WWOX: variants seen among roughly 807,000 people sequenced by gnomAD.
WWOX encodes the protein WW domain containing oxidoreductase.
A neutral mutation model predicts 46.2 loss-of-function variants in WWOX; 69 were observed. That is an observed-to-expected ratio of 1.49 (90% CI 1.23 to 1.82). WWOX has a LOEUF of 1.82. WWOX is among the 40% of genes most tolerant of loss of function. WWOX has a pLI of 0.00. For missense variants in WWOX, 919 were observed against 542.6 expected (o/e 1.69, Z -6.89); for synonymous variants, 359 against 202.6 (o/e 1.77, Z -6.56).
At chr16:78,755,355 G>C (rs1264352357) in intron 8 of WWOX, among the ~76,000 whole-genome samples, 2 of 152,160 alleles carry the variant, frequency 1.3e-5, no homozygotes, top group Non-Finnish European at 2.9e-5. Context: ...AAATGCAGTG[G>C]GTAGCCCAGG....
At chr16:78,823,624 G>T (rs1019053771) in intron 8 of WWOX, among the ~76,000 whole-genome samples, 1 of 152,128 alleles carries the variant, frequency 6.6e-6, no homozygotes, top group Non-Finnish European at 1.5e-5. Flanking sequence ...AACAGACCCA[G>T]TCACTGGTGT....
At chr16:78,356,121 AG>A (rs1567520680) in intron 5 of WWOX, among the ~76,000 whole-genome samples, 3 of 138,920 alleles carry the variant, frequency 2.2e-5, no homozygotes, top group Non-Finnish European at 4.6e-5. Flanking sequence ...CGGGAGGTGG[AG>A]GTTGCAGTGA....
chr16:78,455,278 C>T (rs1222082518), intron 8 of WWOX, among the ~76,000 whole-genome samples: 5 of 149,872 alleles, frequency 3.3e-5, no homozygotes, highest in Non-Finnish European at 7.4e-5. Context: ...GGGACAAGGA[C>T]GATGGACAAA....
intron 5 of WWOX, among the ~76,000 whole-genome samples, chr16:78,224,592 C>G (rs2036991130): frequency 6.6e-6 from 1 of 152,054 alleles, no homozygotes; most frequent in African/African-American, 2.4e-5. Flanking sequence ...ACAGGTTATT[C>G]ACAGCTTTTC....
At chr16:78,836,438 A>T (rs1486025811) in intron 8 of WWOX, among the ~76,000 whole-genome samples, 1 of 152,158 alleles carries the variant, frequency 6.6e-6, no homozygotes, top group East Asian at 1.9e-4. Flanking sequence ...GCAAGGACAT[A>T]CTACTGTGGA....
chr16:79,076,280 A>T (rs543213598), intron 8 of WWOX, among the ~76,000 whole-genome samples: 1 of 152,332 alleles, frequency 6.6e-6, no homozygotes, highest in Non-Finnish European at 1.5e-5. Context: ...TAAGTAAAAG[A>T]ATCACTTTTT....
intron 8 of WWOX, among the ~76,000 whole-genome samples, chr16:78,580,075 AT>A (rs397753314): frequency 0.029 from 4,154 of 143,592 alleles, 75 homozygotes; most frequent in East Asian, 0.056. Context: ...GACAGAGGAA[AT>A]TTTTTTTTTT....
chr16:78,811,620 C>G (rs1055948209), intron 8 of WWOX, among the ~76,000 whole-genome samples: 2 of 152,066 alleles, frequency 1.3e-5, no homozygotes, highest in Non-Finnish European at 2.9e-5. Context: ...ATCCACCTGC[C>G]TCAGTCTCCC....
chr16:79,015,735 A>C (rs2047399945), intron 8 of WWOX, among the ~76,000 whole-genome samples: 1 of 152,080 alleles, frequency 6.6e-6, no homozygotes. Context: ...TCTGATCCTG[A>C]TTTATTTTTA....
intron 8 of WWOX, among the ~76,000 whole-genome samples, chr16:78,731,970 C>A (rs533200594): frequency 6.6e-6 from 1 of 151,452 alleles, no homozygotes; most frequent in Non-Finnish European, 1.5e-5. Flanking sequence ...CCTCAGCCAT[C>A]TGAGTAGTTG....
intron 5 of WWOX, among the ~76,000 whole-genome samples, chr16:78,241,470 C>T (rs975925093): frequency 1.3e-5 from 2 of 151,978 alleles, no homozygotes; most frequent in South Asian, 2.1e-4. Flanking sequence ...CTCTTGTCAC[C>T]CAGGCTGGAG....
intron 8 of WWOX, among the ~76,000 whole-genome samples, chr16:78,686,027 G>C (rs534770480): frequency 1.2e-4 from 19 of 152,084 alleles, no homozygotes; most frequent in Admixed American, 9.2e-4. Context: ...AGGAAAGGAA[G>C]AAATAAAGAG....
chr16:79,206,716 G>A (rs367838969), intron 8 of WWOX: 1 of 152,148 alleles, frequency 6.6e-6, no homozygotes, highest in East Asian at 1.9e-4. Context: ...GTGTTCGTTG[G>A]TTAGCACTTA....
chr16:78,997,008 C>A (rs2047003637), intron 8 of WWOX, among the ~76,000 whole-genome samples: 1 of 152,220 alleles, frequency 6.6e-6, no homozygotes, highest in Admixed American at 6.5e-5. Flanking sequence ...AAATGTGCGT[C>A]TCTGGCAAGT....
At chr16:78,436,890 A>G (rs1001827893) in intron 8 of WWOX, among the ~76,000 whole-genome samples, 3 of 152,174 alleles carry the variant, frequency 2.0e-5, no homozygotes, top group East Asian at 1.9e-4. Flanking sequence ...CATTTCTGCT[A>G]TTTGAATGCA....
At chr16:78,400,880 G>A (rs1327149807) in intron 6 of WWOX, among the ~76,000 whole-genome samples, 1 of 152,228 alleles carries the variant, frequency 6.6e-6, no homozygotes. Context: ...CTGGTGTGCA[G>A]TGGCACGATC....
intron 8 of WWOX, among the ~76,000 whole-genome samples, chr16:78,492,553 C>A (rs1022490643): frequency 1.8e-4 from 28 of 152,196 alleles, no homozygotes; most frequent in African/African-American, 6.8e-4. Flanking sequence ...GTCCCTGACC[C>A]TGGGGACTAA....
chr16:78,317,643 C>G (rs754615054), intron 5 of WWOX, among the ~76,000 whole-genome samples: 1 of 151,976 alleles, frequency 6.6e-6, no homozygotes, highest in South Asian at 2.1e-4. Flanking sequence ...GGTGTTTTTT[C>G]GAAGTCTGCC....
At chr16:79,046,652 G>A (rs986104037) in intron 8 of WWOX, among the ~76,000 whole-genome samples, 3 of 152,078 alleles carry the variant, frequency 2.0e-5, no homozygotes, top group African/African-American at 2.4e-5. Context: ...AGGACTCCAC[G>A]GTGAGCATAG....
Sources: gnomAD v4.1 joint callset for allele counts (sites outside exome capture counted in the v4.1 genomes callset) on GRCh38, gnomAD v4.1.1 for gene constraint, MANE v1.5 for transcripts, NCBI Gene and HGNC (gene_info 2026-07-23, HGNC 2026-07-21) for gene names.